Variants in ART4 observed in about 807,000 individuals in gnomAD.
The protein encoded by ART4 is ecto-ADP-ribosyltransferase 4.
Under a neutral mutation model 24.2 loss-of-function variants are expected in ART4, and 14 were observed. The observed-to-expected ratio is 0.58, with a 90% CI of 0.38 to 0.90. The LOEUF is 0.90. Ranked by LOEUF, ART4 falls within the 40% of genes least tolerant of loss-of-function variation. ART4 has a pLI of 0.00. For synonymous variants in ART4, 145 were observed against 139.9 expected (o/e 1.04, Z -0.26); for missense variants, 356 against 366.6 (o/e 0.97, Z 0.24).
At position 14,828,651 on chromosome 12, in the gene ART4, C is replaced by A. The variant is rs1228321326; in HGVS notation, c.*720G>T. 6.6e-6 allele frequency: 1 copy of A among 152,008 alleles called. No homozygotes were observed. The highest frequency in any genetic ancestry group is 2.4e-5 in the African/African-American group (1 of 41,374). The allele number at this position is 152,008 out of a possible 1,614,324, so 9.4% of individuals were successfully genotyped here. On this transcript the variant is annotated 3_prime_UTR_variant, in exon 3 of 3. Transcript: ENST00000228936. Reference sequence around the variant, plus strand: ...AAAAATAAGGAAGAGTGCTTGTATTCGTTGGAACTTCAACTGCTTGATGCT... The same window carrying A: ...AAAAATAAGGAAGAGTGCTTGTATTAGTTGGAACTTCAACTGCTTGATGCT...
intron 1 of ART4, 21 bp downstream of exon 1, chr12:14,842,949 C>A: frequency 6.2e-7 from 1 of 1,602,200 alleles, no homozygotes; most frequent in Non-Finnish European, 8.5e-7. Flanking sequence ...AAAGAGATCA[C>A]CCCCTCAATT....
At chr12:14,842,216 A>T (rs1410119671) in intron 1 of ART4, among the ~76,000 whole-genome samples, 1 of 152,246 alleles carries the variant, frequency 6.6e-6, no homozygotes, top group Non-Finnish European at 1.5e-5. Flanking sequence ...CTTGGCAAAG[A>T]AATGATGTTT....
chr12:14,840,734 C>A lies in ART4; in HGVS notation c.564G>T (p.Arg188Ser). 6.2e-7 allele frequency: 1 copy of A among 1,614,110 alleles called. No individual in the cohort carries two copies. Among genetic ancestry groups the A allele is most frequent in the Non-Finnish European group, 8.5e-7 (1 of 1,180,024 alleles). Residue 188 changes from arginine to serine, a missense_variant, in exon 2 of 3, where the codon AGG becomes AGT. Arg to Ser is a moderately radical substitution (Grantham distance 110). Coordinates refer to ENST00000228936, the MANE Select transcript of ART4 (RefSeq NM_021071.4). ...NGTLCYEVHY[R>S]TKDVHFNAYT... is the part of the protein sequence containing the mutation. ...AGGCATTAAAGTGGACATCCTTCGT[C>A]CTATAATGCACCTCATAGCACAGAG... is the stretch of plus-strand genomic sequence containing the variant.
chr12:14,837,553 G>A (rs774994125), intron 2 of ART4, among the ~76,000 whole-genome samples: 9 of 151,628 alleles, frequency 5.9e-5, no homozygotes, highest in South Asian at 4.2e-4. Context: ...TCACTCTATC[G>A]CCCAGGCTGG....
intron 2 of ART4, among the ~76,000 whole-genome samples, chr12:14,838,621 G>A (rs1022471794): frequency 6.6e-6 from 1 of 152,152 alleles, no homozygotes; most frequent in African/African-American, 2.4e-5. Context: ...ATGTTTCCAA[G>A]GTGACATGTG....
chr12:14,843,318 C>A lies in ART4; in HGVS notation c.-205G>T. The A allele has an allele frequency of 1.8e-6, 1 of 556,272 alleles. No homozygotes were observed. Among genetic ancestry groups the A allele is most frequent in the East Asian group, 3.2e-5 (1 of 30,832 alleles). The allele number at this position is 556,272 out of a possible 1,614,324, so 34.5% of individuals were successfully genotyped here. ...TCCGACTTCTTTGCAAAACTGAAAT[C>A]TCTGTGAAATAGCCAGATGCGCACA... On this transcript the variant is annotated 5_prime_UTR_variant, in exon 1 of 3. Coordinates refer to ENST00000228936, the MANE Select transcript of ART4 (RefSeq NM_021071.4).
chr12:14,840,568 C>A lies in ART4; in HGVS notation c.730G>T (p.Glu244Ter). Residue 244 changes from glutamate (E) to a stop codon, truncating the protein, a stop_gained, in exon 2 of 3, where the codon GAA becomes TAA. Transcript: ENST00000228936. LOFTEE classifies it high-confidence loss of function. ...APVQYFSLKK[E>*]VLIPPYELFK... ...AGCTCATAGGGAGGGATCAAGACTTCCTTCTTGAGGGAGAAGTACTGTACA... is the reference window on the plus strand; with the variant it reads ...AGCTCATAGGGAGGGATCAAGACTTACTTCTTGAGGGAGAAGTACTGTACA... 6.2e-7 allele frequency: 1 copy of A among 1,614,072 alleles called. No homozygotes were observed. The highest frequency in any genetic ancestry group is 8.5e-7 in the Non-Finnish European group (1 of 1,179,986).
At chr12:14,830,657 A>G (rs1368815705) in intron 2 of ART4, among the ~76,000 whole-genome samples, 704 of 46,466 alleles carry the variant, frequency 0.015, 26 homozygotes, top group African/African-American at 0.047. Context: ...ATGTATATAT[A>G]TATATATATA....
At position 14,829,353 on chromosome 12, in the gene ART4, A is replaced by G; in HGVS notation, c.*18T>C. ...TATTTAAATATTTTTTTTAAATAAA[A>G]GGAGCCACAAGATTTCTTTATACTC... is the stretch of plus-strand genomic sequence containing the variant. On this transcript the variant is annotated 3_prime_UTR_variant, in exon 3 of 3. Transcript: ENST00000228936. The G allele has an allele frequency of 6.8e-7, 1 of 1,477,654 alleles. No individual in the cohort carries two copies. Among genetic ancestry groups the G allele is most frequent in the Admixed American group, 2.3e-5 (1 of 43,448 alleles). The allele number at this position is 1,477,654 out of a possible 1,614,324, so 91.5% of individuals were successfully genotyped here.
Position 14,840,692 on chromosome 12 carries a change from A to G in ART4, c.606T>C (p.Ile202=). Reference sequence around the variant, plus strand: ...ATGTGGAGAGGAATTGGCCAAATCGAATGGTGGCCCCTGTGTAGGCATTAA... The same window carrying G: ...ATGTGGAGAGGAATTGGCCAAATCGGATGGTGGCCCCTGTGTAGGCATTAA... ...VHFNAYTGAT[I]RFGQFLSTSL... Residue 202 remains isoleucine, a synonymous_variant, in exon 2 of 3, where the codon ATT becomes ATC. Coordinates refer to ENST00000228936, the MANE Select transcript of ART4 (RefSeq NM_021071.4). 6.2e-7 allele frequency: 1 copy of G among 1,614,152 alleles called. No individual in the cohort carries two copies. Among genetic ancestry groups the G allele is most frequent in the Non-Finnish European group, 8.5e-7 (1 of 1,180,022 alleles).
intron 1 of ART4, 152 bp from the exon 2 acceptor site, chr12:14,841,305 C>G (rs1167909310): frequency 2.9e-6 from 2 of 678,230 alleles, no homozygotes; most frequent in African/African-American, 3.6e-5. Context: ...TGTTCCAATC[C>G]TTACTGCATC....
In ART4 at chr12:14,843,273, G is replaced by C; in HGVS notation, c.-160C>G. ...GTTGCCCACCAACAACCAATAGCTT[G>C]TCTGAGGGAAGAAATCAACTCCGAC... On this transcript the variant is annotated 5_prime_UTR_variant, in exon 1 of 3. Transcript: ENST00000228936. 1.3e-6 allele frequency: 1 copy of C among 769,614 alleles called. No homozygotes were observed. 47.7% of individuals were successfully genotyped at this position (769,614 alleles called of 1,614,324 possible).
intron 2 of ART4, 41 bp from the exon 3 acceptor site, chr12:14,829,503 G>A (rs769402045): frequency 4.0e-6 from 6 of 1,483,678 alleles, no homozygotes; most frequent in Admixed American, 1.9e-5. Context: ...AGGTAGCAGA[G>A]TTTTTTTTAA....
Position 14,843,339 on chromosome 12 carries a change from G to A in ART4, c.-226C>T, listed in dbSNP as rs550871839. 79 of 483,502 alleles carry A rather than the reference G, an allele frequency of 1.6e-4. 2 individuals carry two copies. Among genetic ancestry groups the A allele is most frequent in the South Asian group, 1.4e-3 (58 of 42,394 alleles). 30.0% of individuals were successfully genotyped at this position (483,502 alleles called of 1,614,324 possible). On this transcript the variant is annotated 5_prime_UTR_variant, in exon 1 of 3. Coordinates refer to ENST00000228936, the MANE Select transcript of ART4 (RefSeq NM_021071.4). ...AAATCTCTGTGAAATAGCCAGATGCGCACACCAAATAAGGGTTTCTAAAGA... is the reference window on the plus strand; with the variant it reads ...AAATCTCTGTGAAATAGCCAGATGCACACACCAAATAAGGGTTTCTAAAGA...
At position 14,841,138 on chromosome 12, in the gene ART4, C is replaced by T. The variant is rs376049820; in HGVS notation, c.160G>A (p.Asp54Asn). The T allele has an allele frequency of 8.0e-5, 126 of 1,573,508 alleles. 1 individual carries two copies. In the South Asian group the frequency reaches 1.1e-3, roughly 14 times the overall value. ...TEGSEVAIKI[D>N]FDFAPGSFDD... ...AAAGAACCTGGTGCGAAGTCGAAGT[C>T]GATTTTAATTGCAACCTGTAAAAAA... The change falls in exon 2 of 3, where the codon GAC (aspartate) becomes AAC (asparagine). Residue 54 changes from aspartate (D) to asparagine (N), a missense_variant. Coordinates refer to ENST00000228936, the MANE Select transcript of ART4 (RefSeq NM_021071.4).
intron 2 of ART4, among the ~76,000 whole-genome samples, chr12:14,831,171 G>A (rs74598550): frequency 6.6e-6 from 1 of 152,002 alleles, no homozygotes; most frequent in East Asian, 1.9e-4. Context: ...CATATTTATG[G>A]TAGTGAATCA....
chr12:14,829,843 G>A (rs1024311383), intron 2 of ART4, among the ~76,000 whole-genome samples: 5 of 152,114 alleles, frequency 3.3e-5, no homozygotes, highest in African/African-American at 9.7e-5. Flanking sequence ...TCTATTTCGA[G>A]CCCTTGCTAT....
In ART4 at chr12:14,827,198, A is replaced by G. The variant is rs760446615; in HGVS notation, c.*2173T>C. The G allele has an allele frequency of 6.6e-5, 10 of 152,134 alleles. No individual in the cohort carries two copies. Among genetic ancestry groups the G allele is most frequent in the Admixed American group, 1.3e-4 (2 of 15,272 alleles). 9.4% of individuals were successfully genotyped at this position (152,134 alleles called of 1,614,324 possible). A position where few individuals can be genotyped will look rare whatever the true frequency, so the allele number is the denominator to read the frequency against. On this transcript the variant is annotated 3_prime_UTR_variant, in exon 3 of 3. Transcript: ENST00000228936. ...CTTTGTACACAGTATGGCTCAATAC[A>G]TGCATTTATATGGCACAGGAAAAAT...
Position 14,840,710 on chromosome 12 carries a change from G to A in ART4, c.588C>T (p.Ala196=). Residue 196 remains alanine (A), a synonymous_variant, in exon 2 of 3, where the codon GCC becomes GCT. Transcript: ENST00000228936. ...CAAATCGAATGGTGGCCCCTGTGTAGGCATTAAAGTGGACATCCTTCGTCC... is the reference window on the plus strand; with the variant it reads ...CAAATCGAATGGTGGCCCCTGTGTAAGCATTAAAGTGGACATCCTTCGTCC... The part of the protein sequence containing the change: ...HYRTKDVHFN[A]YTGATIRFGQ... 1 of 1,614,124 alleles carries A rather than the reference G, an allele frequency of 6.2e-7. No homozygotes were observed. The highest frequency in any genetic ancestry group is 8.5e-7 in the Non-Finnish European group (1 of 1,180,028).
Sources: allele counts gnomAD v4.1 joint callset (sites outside exome capture counted in the v4.1 genomes callset), GRCh38; gene constraint gnomAD v4.1.1; transcripts MANE v1.5; gene names NCBI Gene and HGNC (gene_info 2026-07-23, HGNC 2026-07-21).